Variants in ALDH16A1 observed in about 807,000 individuals in gnomAD.
ALDH16A1 encodes the protein aldehyde dehydrogenase family 16 member A1.
A neutral mutation model predicts 96.1 loss-of-function variants in ALDH16A1; 88 were observed. The observed-to-expected ratio is 0.92, with a 90% CI of 0.77 to 1.09. ALDH16A1 has a LOEUF of 1.09. Among genes scored for constraint, ALDH16A1 ranks in the 50% least tolerant of loss-of-function variants. ALDH16A1 has a pLI of 0.00. For missense variants in ALDH16A1, 1,250 were observed against 1,112.6 expected, an observed-to-expected ratio of 1.12 and a Z score of -1.76; for synonymous variants, 522 against 496.4, an observed-to-expected ratio of 1.05 and a Z score of -0.69.
In ALDH16A1 at chr19:49,462,730, G is replaced by C; in HGVS notation, c.1073G>C (p.Arg358Pro). The part of the protein sequence containing the change: ...AACDLVQRFV[R>P]EAQSQGAQVF... ...TGTGACCTGGTCCAGCGCTTTGTGC[G>C]TGAGGCCCAGAGCCAGGGTGCACAG... Residue 358 changes from arginine (R) to proline (P), a missense_variant, in exon 8 of 17, where the codon CGT becomes CCT. Physicochemically the swap from Arg to Pro is moderately radical, Grantham distance 103 (BLOSUM62 -2). Coordinates refer to ENST00000293350, the MANE Select transcript of ALDH16A1 (RefSeq NM_153329.4). 1.3e-6 allele frequency: 2 copies of C among 1,599,338 alleles called. No individual in the cohort carries two copies. The highest frequency in any genetic ancestry group is 1.7e-6 in the Non-Finnish European group (2 of 1,174,046).
rs749754755 is a variant in ALDH16A1 at position 49,464,718 on chromosome 19, C to T, written c.1524C>T (p.Leu508=). The change falls in exon 12 of 17, where the codon CTC becomes CTT. Residue 508 remains leucine (L), a synonymous_variant. Transcript: ENST00000293350. ...SKNLNYDTFG[L]AVPSTLPAGP... is the part of the protein sequence containing the mutation. The stretch of plus-strand genomic sequence containing the variant: ...ACCTGAACTATGACACCTTTGGCCT[C>T]GCTGTTCCCTCAACCCTGCCGGCTG... 3.7e-6 allele frequency: 6 copies of T among 1,613,482 alleles called. No individual in the cohort carries two copies. Among genetic ancestry groups the T allele is most frequent in the African/African-American group, 1.3e-5 (1 of 74,914 alleles).
chr19:49,467,322 G>C (rs549267851), intron 14 of ALDH16A1, among the ~76,000 whole-genome samples: 3 of 150,838 alleles, frequency 2.0e-5, no homozygotes, highest in Non-Finnish European at 4.4e-5. Flanking sequence ...CGCCTGGCCA[G>C]GGATTACATT....
intron 1 of ALDH16A1, chr19:49,453,623 G>C: frequency 1.9e-6 from 1 of 536,762 alleles, no homozygotes; most frequent in Non-Finnish European, 3.3e-6. Context: ...GTCTGTTCCG[G>C]TCTTCCCCAC....
At chr19:49,457,181 C>A (rs1435873736) in intron 1 of ALDH16A1, among the ~76,000 whole-genome samples, 1 of 151,298 alleles carries the variant, frequency 6.6e-6, no homozygotes, top group East Asian at 2.0e-4. Context: ...CTAGGGGAGT[C>A]TGTAGAAGGA....
In ALDH16A1 at chr19:49,464,189, C is replaced by T. The variant is rs745923965; in HGVS notation, c.1257C>T (p.Ala419=). The part of the protein sequence containing the change: ...FRTAKEALLV[A]NGTPRGGSAS... ...CAGCCAAGGAGGCACTGTTGGTGGC[C>T]AACGGGACGCCCCGCGGGGGCAGCG... The change falls in exon 10 of 17, where the codon GCC becomes GCT. Residue 419 remains alanine (A), a synonymous_variant. Transcript: ENST00000293350. 12 of 1,607,510 alleles carry T rather than the reference C, an allele frequency of 7.5e-6. No individual in the cohort carries two copies. The South Asian group carries it at 1.3e-4, about 18-fold the overall frequency.
intron 1 of ALDH16A1, among the ~76,000 whole-genome samples, chr19:49,455,195 A>G (rs1601015189): frequency 6.6e-6 from 1 of 150,742 alleles, no homozygotes; most frequent in African/African-American, 2.4e-5. Flanking sequence ...AGGCGGGCGG[A>G]TCATGAGGTC....
chr19:49,464,432 T>C lies in ALDH16A1; in HGVS notation c.1347T>C (p.Thr449=). The C allele has an allele frequency of 6.2e-7, 1 of 1,605,092 alleles. No homozygotes were observed. The highest frequency in any genetic ancestry group is 8.5e-7 in the Non-Finnish European group (1 of 1,176,298). The part of the protein sequence containing the change: ...LELGYGLQVG[T]VWINAHGLRD... ...TTCCCCACAGGCTCCAGGTGGGCAC[T>C]GTCTGGATCAACGCCCACGGCCTCA... Residue 449 remains threonine (T), a synonymous_variant, in exon 11 of 17, where the codon ACT becomes ACC. Coordinates refer to ENST00000293350, the MANE Select transcript of ALDH16A1 (RefSeq NM_153329.4).
rs200207173 is a variant in ALDH16A1 at position 49,466,126 on chromosome 19, C to T, written c.1781C>T (p.Ala594Val). The T allele has an allele frequency of 1.9e-6, 3 of 1,554,130 alleles. No individual in the cohort carries two copies. The African/African-American group carries it at 4.1e-5, about 21-fold the overall frequency. ...SPGARAALLW[A>V]LAAALERRKS... is the part of the protein sequence containing the mutation. ...GGAGCCCGGGCAGCCCTGCTGTGGGCCCTGGCGGCTGCACTGGAGCGCCGG... is the reference window on the plus strand; with the variant it reads ...GGAGCCCGGGCAGCCCTGCTGTGGGTCCTGGCGGCTGCACTGGAGCGCCGG... The change falls in exon 14 of 17, where the codon GCC becomes GTC. Residue 594 changes from alanine (A) to valine (V), a missense_variant. Coordinates refer to ENST00000293350, the MANE Select transcript of ALDH16A1 (RefSeq NM_153329.4).
intron 1 of ALDH16A1, among the ~76,000 whole-genome samples, chr19:49,455,416 C>CAA (rs10530269): frequency 1.5e-5 from 2 of 136,612 alleles, no homozygotes; most frequent in Non-Finnish European, 3.1e-5. Flanking sequence ...AACTCCATCT[C>CAA]AAAAAAAAAA....
At chr19:49,461,376 G>A (rs373274259) in intron 5 of ALDH16A1, among the ~76,000 whole-genome samples, 6 of 124,700 alleles carry the variant, frequency 4.8e-5, no homozygotes, top group Admixed American at 7.9e-5. Context: ...TGGACTCCTG[G>A]GTCTGAGGGA....
intron 1 of ALDH16A1, among the ~76,000 whole-genome samples, chr19:49,454,993 C>G (rs1269167130): frequency 6.7e-6 from 1 of 150,334 alleles, no homozygotes; most frequent in African/African-American, 2.5e-5. Flanking sequence ...TGGTGTTTGC[C>G]TGTAATCCTA....
chr19:49,464,119 C>T lies in ALDH16A1; in HGVS notation c.1195-8C>T. On this transcript the variant is annotated splice_polypyrimidine_tract_variant and splice_region_variant and intron_variant, in intron 9 of 16. Transcript: ENST00000293350. ...TGGAGGGCTGAGCCTCCCGGTCACC[C>T]CTTGCAGGTGCCGTGGCCTGTGGTC... 6.2e-7 allele frequency: 1 copy of T among 1,606,506 alleles called. No individual in the cohort carries two copies. Among genetic ancestry groups the T allele is most frequent in the Non-Finnish European group, 8.5e-7 (1 of 1,178,054 alleles).
chr19:49,459,635 G>T lies in ALDH16A1; in HGVS notation c.321-35G>T, dbSNP rs62128062. 1 of 1,573,914 alleles carries T rather than the reference G, an allele frequency of 6.4e-7. No homozygotes were observed. Among genetic ancestry groups the T allele is most frequent in the East Asian group, 2.3e-5 (1 of 44,184 alleles). On this transcript the variant is annotated intron_variant, in intron 3 of 16. Transcript: ENST00000293350. The surrounding 1 kb of genome is among the most constrained non-coding windows in gnomAD (Gnocchi z 4.1). ...CCAGGACTCTGCAAGGCTGAGGGCCGTTGGAAAATGAGCACCCTCTTGCTT... is the reference window on the plus strand; with the variant it reads ...CCAGGACTCTGCAAGGCTGAGGGCCTTTGGAAAATGAGCACCCTCTTGCTT...
In ALDH16A1 at chr19:49,468,362, G is replaced by A. The variant is rs1211157338; in HGVS notation, c.1939-19G>A. On this transcript the variant is annotated intron_variant, in intron 14 of 16. Coordinates refer to ENST00000293350, the MANE Select transcript of ALDH16A1 (RefSeq NM_153329.4). The surrounding 1 kb of genome is among the most constrained non-coding windows in gnomAD (Gnocchi z 4.4). ...GGCGGGGCTCCCCTGCCCCACACGT[G>A]ACCCACCTGTCCCTGCAGGTAGCCG... The A allele has an allele frequency of 6.3e-7, 1 of 1,596,044 alleles. No individual in the cohort carries two copies.
chr19:49,453,308 C>G lies in ALDH16A1; in HGVS notation c.-24C>G, dbSNP rs1187577069. The G allele has an allele frequency of 1.3e-6, 2 of 1,538,420 alleles. No individual in the cohort carries two copies. Among genetic ancestry groups the G allele is most frequent in the South Asian group, 2.4e-5 (2 of 84,256 alleles). On this transcript the variant is annotated 5_prime_UTR_variant, in exon 1 of 17. Transcript: ENST00000293350. ...TTAACACAGAGCGCCCCGCAGTCTT[C>G]GCGGAAAGCGTTCGGGGTAGGCGAT...
At position 49,461,798 on chromosome 19, in the gene ALDH16A1, G is replaced by A. The variant is rs2079150091; in HGVS notation, c.757G>A (p.Glu253Lys). ...IRKVAFCGAPEEGRALRRSLA... is the reference protein window; with the variant it reads ...IRKVAFCGAPKEGRALRRSLA... ...GAAGGTGGCCTTCTGCGGAGCCCCG[G>A]AGGTACCTTCGGGACAGGGGTCGTG... Residue 253 changes from glutamate to lysine, a missense_variant and splice_region_variant, in exon 6 of 17, where the codon GAG (glutamate) becomes AAG (lysine). By Grantham distance (56) the Glu-to-Lys change is moderately conservative. Transcript: ENST00000293350. The A allele has an allele frequency of 1.2e-6, 2 of 1,610,670 alleles. No homozygotes were observed. The highest frequency in any genetic ancestry group is 2.7e-5 in the African/African-American group (2 of 74,816).
In ALDH16A1 at chr19:49,461,912, C is replaced by A. The variant is rs745940024; in HGVS notation, c.788C>A (p.Ala263Glu). ...EEGRALRRSL[A>E]GECAELGLAL... The stretch of plus-strand genomic sequence containing the variant: ...GGGCGTGCCCTTCGACGGAGCCTGG[C>A]GGGAGAGTGTGCGGAGCTGGGCCTG... Residue 263 changes from alanine (A) to glutamate (E), a missense_variant, in exon 7 of 17, where the codon GCG becomes GAG. Coordinates refer to ENST00000293350, the MANE Select transcript of ALDH16A1 (RefSeq NM_153329.4). The A allele has an allele frequency of 1.3e-4, 198 of 1,580,492 alleles. No homozygotes were observed. Among genetic ancestry groups the A allele is most frequent in the Non-Finnish European group, 1.6e-4 (185 of 1,164,134 alleles).
chr19:49,462,481 C>G, intron 7 of ALDH16A1, 89 bp from the exon 8 acceptor site: 1 of 1,455,090 alleles, frequency 6.9e-7, no homozygotes, highest in Non-Finnish European at 9.3e-7. Context: ...GTCCATGTCC[C>G]TAGTTTTCCA....
chr19:49,462,810 C>T, intron 8 of ALDH16A1, 55 bp downstream of exon 8: 3 of 1,469,922 alleles, frequency 2.0e-6, no homozygotes, highest in Non-Finnish European at 2.7e-6. Context: ...CCTGGAGACC[C>T]AGCTCCTGGG....
Sources: gnomAD v4.1 joint callset for allele counts (sites outside exome capture counted in the v4.1 genomes callset) on GRCh38, gnomAD v4.1.1 for gene constraint, Gnocchi (gnomAD v3.1) non-coding constraint, MANE v1.5 for transcripts, NCBI Gene and HGNC (gene_info 2026-07-23, HGNC 2026-07-21) for gene names.